The following ZNF804B variants were observed in gnomAD, a reference collection of about 807,000 sequenced individuals.
ZNF804B encodes zinc finger protein 804B, also known as zinc finger 804B.
ZNF804B carries 80 observed loss-of-function variants against 101.4 expected under a neutral mutation model. The ratio of observed to expected loss-of-function variants is 0.79; its 90% CI spans 0.66 to 0.95. The LOEUF is 0.95. ZNF804B is among the 40% of genes least tolerant of loss of function. The pLI, the probability that ZNF804B is intolerant of heterozygous loss-of-function variation, is 0.00. For missense variants in ZNF804B, 1,673 were observed against 1,561.9 expected, an observed-to-expected ratio of 1.07 and a Z score of -1.20; for synonymous variants, 622 against 558.8, an observed-to-expected ratio of 1.11 and a Z score of -1.59.
intron 1 of ZNF804B, among the ~76,000 whole-genome samples, chr7:88,764,463 T>C (rs889680337): frequency 3.9e-5 from 6 of 152,148 alleles, no homozygotes; most frequent in African/African-American, 1.4e-4. Flanking sequence ...TTATCTTAAG[T>C]TGTATAGCTG....
chr7:89,002,292 A>G (rs991199254), intron 1 of ZNF804B, among the ~76,000 whole-genome samples: 1 of 151,794 alleles, frequency 6.6e-6, no homozygotes, highest in Non-Finnish European at 1.5e-5. Flanking sequence ...CTAGAAATAA[A>G]ATATAGATTT....
At chr7:88,968,140 A>G (rs1195692864) in intron 1 of ZNF804B, among the ~76,000 whole-genome samples, 1 of 58,514 alleles carries the variant, frequency 1.7e-5, no homozygotes, top group Non-Finnish European at 3.1e-5. Flanking sequence ...AGTTAACCGA[A>G]TTTTTCAAGA....
chr7:89,169,397 C>A (rs1367656678), intron 1 of ZNF804B, among the ~76,000 whole-genome samples: 1 of 152,166 alleles, frequency 6.6e-6, no homozygotes, highest in Non-Finnish European at 1.5e-5. Context: ...TTGACTATTT[C>A]TTTACCTCCT....
chr7:88,865,470 TG>T (rs1374759631), intron 1 of ZNF804B, among the ~76,000 whole-genome samples: 1 of 152,126 alleles, frequency 6.6e-6, no homozygotes, highest in African/African-American at 2.4e-5. Flanking sequence ...AGGTCAAAGC[TG>T]TAGTGAGCTA....
intron 2 of ZNF804B, among the ~76,000 whole-genome samples, chr7:89,219,304 G>A (rs1190692724): frequency 1.3e-5 from 2 of 151,864 alleles, no homozygotes; most frequent in African/African-American, 4.8e-5. Flanking sequence ...AGGTCTTTGG[G>A]AAAGCAATTC....
At chr7:88,935,769 G>A (rs1792958645) in intron 1 of ZNF804B, among the ~76,000 whole-genome samples, 1 of 151,754 alleles carries the variant, frequency 6.6e-6, no homozygotes, top group Admixed American at 6.6e-5. Flanking sequence ...TAAGTTTTCA[G>A]GAAAATTACT....
chr7:88,865,973 A>G (rs1791720445), intron 1 of ZNF804B, among the ~76,000 whole-genome samples: 1 of 152,162 alleles, frequency 6.6e-6, no homozygotes, highest in Admixed American at 6.5e-5. Context: ...TTCCAAAAAT[A>G]TTGTGAGACC....
chr7:88,861,791 C>A (rs1046424220), intron 1 of ZNF804B, among the ~76,000 whole-genome samples: 1 of 152,102 alleles, frequency 6.6e-6, no homozygotes, highest in Non-Finnish European at 1.5e-5. Flanking sequence ...AGATATGTAG[C>A]ACATACTTTA....
At chr7:89,064,484 GA>G (rs1789425035) in intron 1 of ZNF804B, among the ~76,000 whole-genome samples, 4 of 152,144 alleles carry the variant, frequency 2.6e-5, no homozygotes. Context: ...GAAAAGTTGA[GA>G]ACTAAGTAAA....
At chr7:89,288,133 T>G (rs1020252707) in intron 2 of ZNF804B, among the ~76,000 whole-genome samples, 1 of 151,692 alleles carries the variant, frequency 6.6e-6, no homozygotes, top group African/African-American at 2.4e-5. Context: ...AAAATATGAG[T>G]AAAATCTATG....
At chr7:89,127,980 C>T (rs928449840) in intron 1 of ZNF804B, among the ~76,000 whole-genome samples, 5 of 151,708 alleles carry the variant, frequency 3.3e-5, no homozygotes, top group African/African-American at 1.2e-4. Context: ...TGAAATAATA[C>T]TGTGCATAAT....
chr7:89,057,137 A>C (rs1368932287), intron 1 of ZNF804B, among the ~76,000 whole-genome samples: 1 of 152,140 alleles, frequency 6.6e-6, no homozygotes, highest in Non-Finnish European at 1.5e-5. Flanking sequence ...TTATGATTGT[A>C]AAGTCAGAGA....
intron 1 of ZNF804B, among the ~76,000 whole-genome samples, chr7:88,925,389 C>A (rs1037043775): frequency 1.3e-5 from 2 of 152,126 alleles, no homozygotes; most frequent in Admixed American, 6.5e-5. Context: ...AAGATAAGAT[C>A]TCTAAATAGG....
chr7:89,165,673 C>T (rs1037444682), intron 1 of ZNF804B, among the ~76,000 whole-genome samples: 2 of 152,014 alleles, frequency 1.3e-5, no homozygotes, highest in African/African-American at 4.8e-5. Flanking sequence ...TAAAGAACTC[C>T]TGCACTTCAA....
At position 88,948,220 on chromosome 7, in the gene ZNF804B, G is replaced by A. The variant is rs189509703; in HGVS notation, c.108+188136G>A. Among the ~76,000 whole-genome samples, 11 of 150,952 alleles carry A rather than the reference G, an allele frequency of 7.3e-5. No individual in the cohort carries two copies. In the East Asian group the frequency reaches 2.2e-3, roughly 30 times the overall value. On this transcript the variant is annotated intron_variant, in intron 1 of 3. Coordinates refer to ENST00000333190, the MANE Select transcript of ZNF804B (RefSeq NM_181646.5). ...TGCCTGGGTATTACTGGGTCTCTAT[G>A]ATAATGAGTCCTAAAAAACCCTAGT...
intron 1 of ZNF804B, among the ~76,000 whole-genome samples, chr7:88,888,174 C>T (rs921476656): frequency 3.3e-5 from 5 of 152,030 alleles, no homozygotes; most frequent in South Asian, 2.1e-4. Context: ...GGGCAGATCA[C>T]GAGGTCAGGA....
chr7:88,797,827 T>C (rs1790513901), intron 1 of ZNF804B, among the ~76,000 whole-genome samples: 1 of 152,108 alleles, frequency 6.6e-6, no homozygotes. Context: ...TACATATTTT[T>C]ATTATAATTA....
At chr7:88,857,155 A>G (rs1486705066) in intron 1 of ZNF804B, among the ~76,000 whole-genome samples, 2 of 152,156 alleles carry the variant, frequency 1.3e-5, no homozygotes, top group African/African-American at 2.4e-5. Context: ...CACAAGAGAA[A>G]GCAGGAAAGA....
At chr7:89,126,335 A>G (rs887835231) in intron 1 of ZNF804B, among the ~76,000 whole-genome samples, 1 of 151,982 alleles carries the variant, frequency 6.6e-6, no homozygotes, top group Non-Finnish European at 1.5e-5. Context: ...ATGGCTGAGT[A>G]AACCACAGCC....
Sources: allele counts gnomAD v4.1 joint callset (sites outside exome capture counted in the v4.1 genomes callset), GRCh38; gene constraint gnomAD v4.1.1; transcripts MANE v1.5; gene names NCBI Gene and HGNC (gene_info 2026-07-23, HGNC 2026-07-21).